The following CNTRL variants were observed in gnomAD, a reference collection of about 807,000 sequenced individuals.
CNTRL encodes centriolin, also known as 110 kDa centrosomal protein.
CNTRL carries 233 observed loss-of-function variants against 303.7 expected under a neutral mutation model. The ratio of observed to expected loss-of-function variants is 0.77; its 90% CI spans 0.69 to 0.86. The LOEUF (loss-of-function observed/expected upper bound fraction) is 0.86, where lower values mean the gene tolerates loss of function less well. CNTRL is among the 40% of genes least tolerant of loss of function. The pLI is 0.00. For missense variants in CNTRL, 2,524 were observed against 2,650.6 expected, an observed-to-expected ratio of 0.95 and a Z score of 1.05; for synonymous variants, 900 against 922.2, an observed-to-expected ratio of 0.98 and a Z score of 0.44.
chr9:121,170,323 T>C (rs913777002), intron 39 of CNTRL, among the ~76,000 whole-genome samples: 8 of 152,214 alleles, frequency 5.3e-5, no homozygotes, highest in African/African-American at 1.9e-4. Flanking sequence ...TTTGTATTTT[T>C]AGTAGAGATG....
At chr9:121,091,964 A>C (rs1317538447) in intron 4 of CNTRL, among the ~76,000 whole-genome samples, 1 of 142,964 alleles carries the variant, frequency 7.0e-6, no homozygotes, top group Non-Finnish European at 1.5e-5. Context: ...CCCAATCACA[A>C]TTAGTCACCC....
intron 8 of CNTRL, among the ~76,000 whole-genome samples, chr9:121,110,908 A>G (rs1449341327): frequency 6.6e-6 from 1 of 152,168 alleles, no homozygotes; most frequent in Non-Finnish European, 1.5e-5. Context: ...TGCTTACAAT[A>G]TGCTAAGCCT....
intron 8 of CNTRL, among the ~76,000 whole-genome samples, chr9:121,112,204 A>T (rs946802109): frequency 6.6e-6 from 1 of 152,200 alleles, no homozygotes; most frequent in Non-Finnish European, 1.5e-5. Flanking sequence ...TGATTTTTAA[A>T]ATCATTATTC....
chr9:121,093,267 A>G (rs1337774048), intron 4 of CNTRL, among the ~76,000 whole-genome samples: 1 of 152,166 alleles, frequency 6.6e-6, no homozygotes, highest in Non-Finnish European at 1.5e-5. Context: ...CTTGGAGAGA[A>G]CCATTTGATG....
chr9:121,113,589 A>G lies in CNTRL; in HGVS notation c.1210A>G (p.Ile404Val). ...AAATATGTTTGCCACAGAGAGTTAT[A>G]TTATTGACAGTGCTCAGGCAGTACA... ...KRNMFATESY[I>V]IDSAQAVQIK... is the part of the protein sequence containing the mutation. Residue 404 changes from isoleucine to valine, a missense_variant, in exon 10 of 44, where the codon ATT becomes GTT. Transcript: ENST00000373855. 6.2e-7 allele frequency: 1 copy of G among 1,610,414 alleles called. No individual in the cohort carries two copies. The highest frequency in any genetic ancestry group is 8.5e-7 in the Non-Finnish European group (1 of 1,178,930).
At chr9:121,152,782 CT>C in intron 26 of CNTRL, 89 bp downstream of exon 26, 2 of 1,039,964 alleles carry the variant, frequency 1.9e-6, no homozygotes, top group Non-Finnish European at 2.8e-6. Context: ...TTGGAATGTT[CT>C]TGATCTTCTG....
At chr9:121,084,497 G>A (rs778674623) in intron 2 of CNTRL, among the ~76,000 whole-genome samples, 2 of 151,500 alleles carry the variant, frequency 1.3e-5, no homozygotes, top group Admixed American at 6.6e-5. Context: ...TATACTGTAC[G>A]CACACTGTAG....
chr9:121,144,779 G>T, intron 20 of CNTRL, 64 bp from the exon 21 acceptor site: 1 of 1,247,430 alleles, frequency 8.0e-7, no homozygotes, highest in East Asian at 2.3e-5. Flanking sequence ...CAATCCAAGA[G>T]GAAGAAATGA....
rs537699892 is a variant in CNTRL, at chr9:121,145,033, T to A, written c.3168+74T>A. Reference sequence around the variant, plus strand: ...TCCTAAAAGACAAAATTACTGTAGGTGATGTCTCAAAGAATTCTGAAGTGC... The same window carrying A: ...TCCTAAAAGACAAAATTACTGTAGGAGATGTCTCAAAGAATTCTGAAGTGC... On this transcript the variant is annotated intron_variant, in intron 21 of 43. Transcript: ENST00000373855. The A allele has an allele frequency of 2.0e-4, 266 of 1,327,666 alleles. 4 individuals are homozygous for A. The Admixed American group carries it at 2.7e-3, about 14-fold the overall frequency. The allele number at this position is 1,327,666 out of a possible 1,614,324, so 82.2% of individuals were successfully genotyped here. A position where few individuals can be genotyped will look rare whatever the true frequency, so the allele number is the denominator to read the frequency against.
chr9:121,133,835 A>G (rs2051023571), intron 14 of CNTRL, among the ~76,000 whole-genome samples: 1 of 152,188 alleles, frequency 6.6e-6, no homozygotes, highest in Admixed American at 6.5e-5. Flanking sequence ...TTCCTGAACC[A>G]TTTGGAAATC....
intron 27 of CNTRL, among the ~76,000 whole-genome samples, chr9:121,156,643 C>T (rs1347807428): frequency 6.6e-6 from 1 of 151,964 alleles, no homozygotes; most frequent in Non-Finnish European, 1.5e-5. Context: ...TTTTTTTTGG[C>T]TGAAGGTGAG....
intron 4 of CNTRL, among the ~76,000 whole-genome samples, 200 bp from the exon 5 acceptor site, chr9:121,094,688 G>A (rs1166853530): frequency 6.6e-6 from 1 of 152,112 alleles, no homozygotes; most frequent in Non-Finnish European, 1.5e-5. Flanking sequence ...TCAACTGAAG[G>A]GCAAAGAGAG....
At chr9:121,095,051 T>C in intron 5 of CNTRL, 33 bp downstream of exon 5, 1 of 1,537,774 alleles carries the variant, frequency 6.5e-7, no homozygotes, top group Non-Finnish European at 8.8e-7. Flanking sequence ...TAGGCAGCAT[T>C]GCAGATAGCT....
At position 121,088,331 on chromosome 9, in the gene CNTRL, A is replaced by G. The variant is rs1441167811; in HGVS notation, c.5A>G (p.Lys2Arg). The change falls in exon 3 of 44, where the codon AAG becomes AGG. Residue 2 changes from lysine (K) to arginine (R), a missense_variant. Physicochemically the swap from Lys to Arg is conservative, Grantham distance 26 (BLOSUM62 2). Coordinates refer to ENST00000373855, the MANE Select transcript of CNTRL (RefSeq NM_007018.6). M[K>R]KGSQQKIFSK... is the part of the protein sequence containing the mutation. Reference sequence around the variant, plus strand: ...ACACCTGGCTTTATTCTTGCAATGAAGAAAGGTTCTCAACAAAAAATATTC... The same window carrying G: ...ACACCTGGCTTTATTCTTGCAATGAGGAAAGGTTCTCAACAAAAAATATTC... 1 of 1,606,434 alleles carries G rather than the reference A, an allele frequency of 6.2e-7. No homozygotes were observed. The highest frequency in any genetic ancestry group is 8.5e-7 in the Non-Finnish European group (1 of 1,173,292).
Position 121,095,000 on chromosome 9 carries a change from T to C in CNTRL, c.461T>C (p.Leu154Ser). Residue 154 changes from leucine to serine, a missense_variant, in exon 5 of 44, where the codon TTA becomes TCA. By Grantham distance (145) the Leu-to-Ser change is moderately radical (BLOSUM62 -2). Transcript: ENST00000373855. ...DKLLKLRELN[L>S]SYNKISKIEG... Reference sequence around the variant, plus strand: ...CTGTTAAAATTACGTGAACTCAACTTATCATATAACAAAATCAGGTGAGTT... The same window carrying C: ...CTGTTAAAATTACGTGAACTCAACTCATCATATAACAAAATCAGGTGAGTT... 1.2e-6 allele frequency: 2 copies of C among 1,604,638 alleles called. No homozygotes were observed. Among genetic ancestry groups the C allele is most frequent in the South Asian group, 2.2e-5 (2 of 89,358 alleles).
At chr9:121,086,228 G>C (rs886731469) in intron 2 of CNTRL, among the ~76,000 whole-genome samples, 1 of 152,156 alleles carries the variant, frequency 6.6e-6, no homozygotes, top group African/African-American at 2.4e-5. Context: ...CTAGACTCGG[G>C]AGACAGTGTA....
intron 14 of CNTRL, among the ~76,000 whole-genome samples, chr9:121,133,125 G>C (rs955261789): frequency 6.6e-6 from 1 of 152,220 alleles, no homozygotes; most frequent in Admixed American, 6.5e-5. Flanking sequence ...CAGTCTGTCC[G>C]TTCTCTGAGC....
At chr9:121,101,500 C>T (rs571205203) in intron 7 of CNTRL, among the ~76,000 whole-genome samples, 8 of 151,946 alleles carry the variant, frequency 5.3e-5, no homozygotes, top group Non-Finnish European at 1.2e-4. Context: ...ACTAGAGAAG[C>T]AAGAGCAAAC....
chr9:121,147,445 G>C (rs1031267279), intron 23 of CNTRL, among the ~76,000 whole-genome samples: 1 of 152,202 alleles, frequency 6.6e-6, no homozygotes, highest in African/African-American at 2.4e-5. Context: ...GGCTAGTATA[G>C]AGTCTATACT....
Sources: gnomAD v4.1 joint callset for allele counts (sites outside exome capture counted in the v4.1 genomes callset) on GRCh38, gnomAD v4.1.1 for gene constraint, MANE v1.5 for transcripts, NCBI Gene and HGNC (gene_info 2026-07-23, HGNC 2026-07-21) for gene names.